SPAG16: variants seen among roughly 807,000 people sequenced by gnomAD.
SPAG16 encodes sperm-associated antigen 16 protein.
Under a neutral mutation model 80.4 loss-of-function variants are expected in SPAG16, and 86 were observed. The ratio of observed to expected loss-of-function variants is 1.07; its 90% CI spans 0.90 to 1.28. The LOEUF (loss-of-function observed/expected upper bound fraction) is 1.28. Among genes scored for constraint, SPAG16 ranks in the 50% most tolerant of loss-of-function variants. The pLI is 0.00. For missense variants in SPAG16, 870 were observed against 765.3 expected (o/e 1.14, Z -1.61); for synonymous variants, 294 against 265.9 (o/e 1.11, Z -1.03).
At chr2:213,895,424 A>T (rs1017320574) in intron 11 of SPAG16, among the ~76,000 whole-genome samples, 3 of 152,148 alleles carry the variant, frequency 2.0e-5, no homozygotes, top group Admixed American at 1.3e-4. Context: ...GCAATCATAA[A>T]ATTCCTATGG....
chr2:214,191,266 C>T (rs532653725), intron 15 of SPAG16, among the ~76,000 whole-genome samples: 1 of 152,242 alleles, frequency 6.6e-6, no homozygotes, highest in Admixed American at 6.5e-5. Flanking sequence ...TATCAGAACT[C>T]TCTTTGGTTC....
intron 15 of SPAG16, among the ~76,000 whole-genome samples, chr2:214,330,681 G>T (rs2126011094): frequency 6.6e-6 from 1 of 152,298 alleles, no homozygotes; most frequent in African/African-American, 2.4e-5. Flanking sequence ...TTCTCTGCTA[G>T]CTGGCCTTAG....
At chr2:214,377,643 T>A (rs1349087620) in intron 15 of SPAG16, among the ~76,000 whole-genome samples, 1 of 152,178 alleles carries the variant, frequency 6.6e-6, no homozygotes, top group Non-Finnish European at 1.5e-5. Flanking sequence ...AGTAGGCTAT[T>A]AGTAGTTAAG....
At chr2:213,973,537 C>T (rs886231794) in intron 12 of SPAG16, among the ~76,000 whole-genome samples, 2 of 152,038 alleles carry the variant, frequency 1.3e-5, no homozygotes, top group Admixed American at 6.6e-5. Context: ...GCTGAGAACA[C>T]CGGTTAACAT....
At chr2:213,789,443 T>C (rs1199219944) in intron 10 of SPAG16, among the ~76,000 whole-genome samples, 1 of 152,026 alleles carries the variant, frequency 6.6e-6, no homozygotes, top group African/African-American at 2.4e-5. Context: ...AGAATGATCA[T>C]TGCCTTTATG....
At chr2:213,833,445 A>ATATAT (rs2073794453) in intron 10 of SPAG16, among the ~76,000 whole-genome samples, 1 of 2,548 alleles carries the variant, frequency 3.9e-4, no homozygotes, top group East Asian at 0.12. Flanking sequence ...GTGTGTGTAT[A>ATATAT]TATATATATT....
chr2:213,895,775 A>G (rs2076969436), intron 11 of SPAG16, among the ~76,000 whole-genome samples: 1 of 152,276 alleles, frequency 6.6e-6, no homozygotes, highest in Non-Finnish European at 1.5e-5. Context: ...CACACACAAA[A>G]ATAAAAATGG....
intron 11 of SPAG16, among the ~76,000 whole-genome samples, chr2:213,892,704 C>T (rs534798498): frequency 3.9e-5 from 6 of 151,998 alleles, no homozygotes; most frequent in Non-Finnish European, 7.4e-5. Context: ...GCAGAATGAC[C>T]ACGCAGATGA....
rs143003751 is a variant in SPAG16, at chr2:213,379,120, A to T, written c.942+4001A>T. Among the ~76,000 whole-genome samples, 145 of 152,254 alleles carry T rather than the reference A, an allele frequency of 9.5e-4. 1 individual carries two copies. In the East Asian group the frequency reaches 0.025, roughly 27 times the overall value. On this transcript the variant is annotated intron_variant, in intron 9 of 15. Coordinates refer to ENST00000331683, the MANE Select transcript of SPAG16 (RefSeq NM_024532.5). ...TTGATGGCAGCGTTCCTCCCTCTGG[A>T]ACTAAGACCTCTAGGCCAGCAGGAT... is the stretch of plus-strand genomic sequence containing the variant.
At chr2:213,879,397 G>A (rs1189749510) in intron 11 of SPAG16, among the ~76,000 whole-genome samples, 78 of 150,816 alleles carry the variant, frequency 5.2e-4, no homozygotes, top group Non-Finnish European at 6.8e-4. Context: ...GTGTGTGTGT[G>A]TATATACATA....
intron 10 of SPAG16, among the ~76,000 whole-genome samples, chr2:213,554,165 C>A (rs1490478329): frequency 6.6e-6 from 1 of 152,170 alleles, no homozygotes; most frequent in African/African-American, 2.4e-5. Context: ...GTCATGAGGA[C>A]ATTAAAAAGT....
chr2:214,012,198 A>G (rs959902742), intron 12 of SPAG16, among the ~76,000 whole-genome samples: 1 of 145,324 alleles, frequency 6.9e-6, no homozygotes, highest in Non-Finnish European at 1.5e-5. Context: ...TCAAAGATTA[A>G]CTATCTGATT....
chr2:213,490,033 C>G lies in SPAG16; in HGVS notation c.1013C>G (p.Ala338Gly). ...GTTTCTAAAGAAAGTCTTTCTCCAG[C>G]AAAATTTGACTACAAGCTGAAAAAC... ...LNVSKESLSP[A>G]KFDYKLKNIF... Residue 338 changes from alanine to glycine, a missense_variant, in exon 10 of 16, where the codon GCA becomes GGA. Physicochemically the swap from Ala to Gly is moderately conservative, Grantham distance 60 (BLOSUM62 0). Coordinates refer to ENST00000331683, the MANE Select transcript of SPAG16 (RefSeq NM_024532.5). 6.2e-7 allele frequency: 1 copy of G among 1,610,252 alleles called. No individual in the cohort carries two copies. The highest frequency in any genetic ancestry group is 8.5e-7 in the Non-Finnish European group (1 of 1,178,220).
intron 8 of SPAG16, among the ~76,000 whole-genome samples, chr2:213,370,105 T>G (rs934525069): frequency 6.6e-6 from 1 of 152,214 alleles, no homozygotes; most frequent in Non-Finnish European, 1.5e-5. Context: ...TAGTATCAGT[T>G]ATGCACAGTG....
chr2:213,636,135 G>A (rs1044920672), intron 10 of SPAG16, among the ~76,000 whole-genome samples: 2 of 152,158 alleles, frequency 1.3e-5, no homozygotes, highest in African/African-American at 2.4e-5. Flanking sequence ...TATAAGGTGA[G>A]AGATGAGGAT....
intron 10 of SPAG16, among the ~76,000 whole-genome samples, chr2:213,740,906 A>G (rs546172872): frequency 6.6e-6 from 1 of 152,294 alleles, no homozygotes; most frequent in East Asian, 1.9e-4. Flanking sequence ...AATAGAAACC[A>G]CTTTCAAACA....
At chr2:213,951,487 T>A (rs72950724) in intron 12 of SPAG16, among the ~76,000 whole-genome samples, 1 of 152,080 alleles carries the variant, frequency 6.6e-6, no homozygotes, top group Non-Finnish European at 1.5e-5. Flanking sequence ...TCTCCTGTTC[T>A]CAATTTAAAT....
At chr2:213,494,881 A>G (rs1457602343) in intron 10 of SPAG16, among the ~76,000 whole-genome samples, 2 of 152,110 alleles carry the variant, frequency 1.3e-5, no homozygotes, top group African/African-American at 2.4e-5. Flanking sequence ...TCCTACTCCA[A>G]GGTCTTTCCA....
intron 12 of SPAG16, among the ~76,000 whole-genome samples, chr2:213,993,771 A>G (rs2046391034): frequency 2.0e-5 from 3 of 152,244 alleles, no homozygotes; most frequent in Non-Finnish European, 4.4e-5. Flanking sequence ...AATTCTTGAC[A>G]TGAATAACTG....
Sources: gnomAD v4.1 joint callset for allele counts (sites outside exome capture counted in the v4.1 genomes callset) on GRCh38, gnomAD v4.1.1 for gene constraint, MANE v1.5 for transcripts, NCBI Gene and HGNC (gene_info 2026-07-23, HGNC 2026-07-21) for gene names.